N4BP2: variants seen among roughly 807,000 people sequenced by gnomAD.
N4BP2 encodes NEDD4 binding protein 2.
N4BP2 carries 91 observed loss-of-function variants against 152.8 expected under a neutral mutation model. That is an observed-to-expected ratio of 0.60 (90% CI 0.50 to 0.71). The LOEUF (loss-of-function observed/expected upper bound fraction) is 0.71. Among genes scored for constraint, N4BP2 ranks in the 30% least tolerant of loss-of-function variants. The pLI, the probability that N4BP2 is intolerant of heterozygous loss-of-function variation, is 0.00. For synonymous variants in N4BP2, 646 were observed against 705.3 expected (o/e 0.92, Z 1.33); for missense variants, 1,923 against 2,059.1 (o/e 0.93, Z 1.28).
chr4:40,144,688 C>A lies in N4BP2; in HGVS notation c.5031C>A (p.Ile1677=), dbSNP rs1720344657. ...CCAATCACCTTGCTGCCATAGAGAT[C>A]TTTGAGAAAGTCAATGCTTCGCTGC... is the stretch of plus-strand genomic sequence containing the variant. ...KEANHLAAIE[I]FEKVNASLLP... Residue 1677 remains isoleucine, a synonymous_variant, in exon 16 of 18, where the codon ATC becomes ATA. Transcript: ENST00000261435. 1 of 1,613,848 alleles carries A rather than the reference C, an allele frequency of 6.2e-7. No homozygotes were observed. Among genetic ancestry groups the A allele is most frequent in the Non-Finnish European group, 8.5e-7 (1 of 1,179,966 alleles).
chr4:40,115,022 A>G (rs1005401405), intron 7 of N4BP2, among the ~76,000 whole-genome samples: 2 of 152,146 alleles, frequency 1.3e-5, no homozygotes, highest in African/African-American at 4.8e-5. Flanking sequence ...TTTCAGATAA[A>G]CAAGTCTCAG....
chr4:40,114,852 C>T (rs1717207379), intron 7 of N4BP2, among the ~76,000 whole-genome samples: 3 of 152,122 alleles, frequency 2.0e-5, no homozygotes, highest in African/African-American at 2.4e-5. Context: ...GTTATAGCAA[C>T]GTTTCCAAAT....
At chr4:40,103,259 C>T in intron 4 of N4BP2, 41 bp downstream of exon 4, 2 of 1,514,100 alleles carry the variant, frequency 1.3e-6, no homozygotes, top group Non-Finnish European at 8.9e-7. Context: ...AGTATAATGT[C>T]TGAATTTGAA....
the N4BP2 span, among the ~76,000 whole-genome samples, chr4:40,165,302 A>T: frequency 6.6e-6 from 1 of 152,036 alleles, no homozygotes; most frequent in Non-Finnish European, 1.5e-5. Context: ...AGGCTGGAGT[A>T]CAGTGGCACA....
chr4:40,163,638 A>G, the N4BP2 span, among the ~76,000 whole-genome samples: 3 of 152,232 alleles, frequency 2.0e-5, no homozygotes, highest in South Asian at 4.1e-4. Flanking sequence ...TGTTGAAACC[A>G]TGAAGAGACA....
intron 2 of N4BP2, among the ~76,000 whole-genome samples, chr4:40,088,727 T>A (rs1714234716): frequency 6.6e-6 from 1 of 152,180 alleles, no homozygotes; most frequent in Admixed American, 6.6e-5. Context: ...CTCGAATTCC[T>A]GACCTCAGTT....
At chr4:40,076,557 C>T (rs184443620) in intron 2 of N4BP2, among the ~76,000 whole-genome samples, 86 of 152,182 alleles carry the variant, frequency 5.7e-4, no homozygotes, top group Admixed American at 2.6e-4. Context: ...GGCGCCATCT[C>T]GGCTCACTGC....
chr4:40,105,947 C>CAT (rs369509981), intron 4 of N4BP2, among the ~76,000 whole-genome samples: 258 of 152,252 alleles, frequency 1.7e-3, no homozygotes, highest in African/African-American at 5.8e-3. Flanking sequence ...AGAGGATAAA[C>CAT]AGGAATTGGG....
intron 2 of N4BP2, among the ~76,000 whole-genome samples, chr4:40,075,275 T>C (rs1712618375): frequency 6.6e-6 from 1 of 152,208 alleles, no homozygotes; most frequent in African/African-American, 2.4e-5. Context: ...TTAAGGATTA[T>C]AGACAGTATT....
chr4:40,063,643 T>C (rs2109886151), intron 1 of N4BP2, among the ~76,000 whole-genome samples: 1 of 152,196 alleles, frequency 6.6e-6, no homozygotes, highest in South Asian at 2.1e-4. Flanking sequence ...TTAAATTAAT[T>C]AATTAATTAA....
chr4:40,117,938 A>G lies in N4BP2; in HGVS notation c.1734A>G (p.Ser578=), dbSNP rs892385825. The change falls in exon 8 of 18, where the codon TCA becomes TCG. Residue 578 remains serine (S), a synonymous_variant. Coordinates refer to ENST00000261435, the MANE Select transcript of N4BP2 (RefSeq NM_018177.6). ...TGGAACATTATCAACGTTTTGTTTC[A>G]GTGCCAATAATTATGAGTTCTTCGG... is the stretch of plus-strand genomic sequence containing the variant. ...RMLEHYQRFV[S]VPIIMSSSVP... is the part of the protein sequence containing the mutation. The G allele has an allele frequency of 2.5e-6, 4 of 1,612,916 alleles. No individual in the cohort carries two copies. The highest frequency in any genetic ancestry group is 2.5e-6 in the Non-Finnish European group (3 of 1,179,444).
chr4:40,091,702 C>T, intron 2 of N4BP2, among the ~76,000 whole-genome samples: 1 of 142,432 alleles, frequency 7.0e-6, no homozygotes, highest in East Asian at 2.1e-4. Flanking sequence ...ACCACCTGGG[C>T]CTAAGTGATC....
intron 14 of N4BP2, among the ~76,000 whole-genome samples, chr4:40,137,977 G>A (rs794010): frequency 0.096 from 14,611 of 152,194 alleles, 707 homozygotes; most frequent in East Asian, 0.13. Flanking sequence ...AATGAAAGGC[G>A]TGCTCCCAGA....
the N4BP2 span, among the ~76,000 whole-genome samples, chr4:40,174,850 A>G: frequency 6.6e-6 from 1 of 152,042 alleles, no homozygotes; most frequent in African/African-American, 2.4e-5. Context: ...GGGAGGAAAA[A>G]AAGAAAAACT....
At chr4:40,057,203 C>T (rs1733250298) in intron 1 of N4BP2, 173 bp downstream of exon 1, 1 of 152,274 alleles carries the variant, frequency 6.6e-6, no homozygotes, top group Non-Finnish European at 1.5e-5. Context: ...CCGATCTGAC[C>T]CGCGGGCCCG....
chr4:40,143,540 A>AT (rs1470768654), intron 15 of N4BP2, among the ~76,000 whole-genome samples: 1 of 152,068 alleles, frequency 6.6e-6, no homozygotes, highest in Non-Finnish European at 1.5e-5. Flanking sequence ...AGCTCAAGCA[A>AT]TCCTCCCATC....
chr4:40,067,826 G>T (rs1164395476), intron 1 of N4BP2, among the ~76,000 whole-genome samples: 1 of 152,062 alleles, frequency 6.6e-6, no homozygotes, highest in Non-Finnish European at 1.5e-5. Flanking sequence ...AGCCTCCCGA[G>T]TAGCTGAGAC....
intron 11 of N4BP2, among the ~76,000 whole-genome samples, chr4:40,125,123 C>T (rs1356553151): frequency 6.6e-6 from 1 of 152,138 alleles, no homozygotes; most frequent in Non-Finnish European, 1.5e-5. Context: ...CTTGAAGATT[C>T]TTAGGATCCA....
At chr4:40,161,822 G>C (rs896264590), downstream of N4BP2, among the ~76,000 whole-genome samples, 4 of 152,172 alleles carry the variant, frequency 2.6e-5, no homozygotes, top group Non-Finnish European at 5.9e-5. Context: ...TGGAAGAGCT[G>C]GAGAAGTGGA....
Sources: allele counts gnomAD v4.1 joint callset (sites outside exome capture counted in the v4.1 genomes callset), GRCh38; gene constraint gnomAD v4.1.1; transcripts MANE v1.5; gene names NCBI Gene and HGNC (gene_info 2026-07-23, HGNC 2026-07-21).